C12orf42: variants seen among roughly 807,000 people sequenced by gnomAD.
The protein encoded by C12orf42 is chromosome 12 open reading frame 42.
C12orf42 carries 25 observed loss-of-function variants against 21.6 expected under a neutral mutation model. That is an observed-to-expected ratio of 1.16 (90% CI 0.84 to 1.62). The LOEUF is 1.62. C12orf42 is among the 40% of genes most tolerant of loss of function. The pLI, the probability that C12orf42 is intolerant of heterozygous loss-of-function variation, is 0.00. For synonymous variants in C12orf42, 174 were observed against 175.0 expected (o/e 0.99, Z 0.05); for missense variants, 483 against 459.3 (o/e 1.05, Z -0.47).
rs376816058 is a variant in C12orf42, at chr12:103,468,911, T to C, written c.78+9438A>G. 1.8e-4 allele frequency among the ~76,000 whole-genome samples: 27 copies of C among 152,340 alleles called. No individual in the cohort carries two copies. In the East Asian group the frequency reaches 5.0e-3, roughly 28 times the overall value. ...TTTCATGGTAATTTGTTAATGTTCT[T>C]GCAAAGCAGGGGTAATTTACTCCAG... On this transcript the variant is annotated intron_variant, in intron 2 of 5. Coordinates refer to ENST00000548883, the MANE Select transcript of C12orf42 (RefSeq NM_198521.5).
downstream of C12orf42, among the ~76,000 whole-genome samples, chr12:103,299,318 C>A (rs1309961558): frequency 6.6e-6 from 1 of 151,570 alleles, no homozygotes; most frequent in Non-Finnish European, 1.5e-5. Flanking sequence ...AGGACAGTCT[C>A]TAGTACAATA....
the C12orf42 span, among the ~76,000 whole-genome samples, chr12:103,138,594 G>T: frequency 6.6e-6 from 1 of 152,234 alleles, no homozygotes; most frequent in East Asian, 1.9e-4. Context: ...GTGTGAGAAT[G>T]CACTAATACA....
the C12orf42 span, among the ~76,000 whole-genome samples, chr12:103,232,278 T>A: frequency 1.3e-5 from 2 of 152,244 alleles, no homozygotes; most frequent in South Asian, 4.1e-4. Context: ...CTTTATAGTA[T>A]CTTTAGCACA....
At chr12:103,257,825 T>A (rs760980790) in intron 10 of C12orf42, among the ~76,000 whole-genome samples, 2 of 151,748 alleles carry the variant, frequency 1.3e-5, no homozygotes, top group Non-Finnish European at 2.9e-5. Context: ...TTCCTGATAT[T>A]TAAAAAAAGA....
the C12orf42 span, chr12:103,159,589 T>G: frequency 6.6e-6 from 1 of 152,372 alleles, no homozygotes; most frequent in South Asian, 2.1e-4. Context: ...AGAAGGTATC[T>G]GTCTCAACAG....
chr12:103,385,216 A>G (rs553911640), intron 3 of C12orf42, among the ~76,000 whole-genome samples: 46 of 152,356 alleles, frequency 3.0e-4, no homozygotes, highest in African/African-American at 1.1e-3. Context: ...CTATTGCTGA[A>G]AAAAGAAATA....
the C12orf42 span, among the ~76,000 whole-genome samples, chr12:103,523,529 A>T: frequency 6.6e-6 from 1 of 151,728 alleles, no homozygotes; most frequent in Non-Finnish European, 1.5e-5. Flanking sequence ...GCTTAATGAT[A>T]GCTTCTAAAC....
chr12:103,495,165 G>C (rs767393349), intron 1 of C12orf42, among the ~76,000 whole-genome samples: 3 of 151,520 alleles, frequency 2.0e-5, no homozygotes, highest in Non-Finnish European at 4.4e-5. Context: ...GGGGTAAGGA[G>C]CGCTGAAGGA....
chr12:103,399,514 GA>G (rs2047814651), intron 3 of C12orf42, among the ~76,000 whole-genome samples: 1 of 25,084 alleles, frequency 4.0e-5, no homozygotes, highest in Non-Finnish European at 1.5e-4. Context: ...AAAAAAAAAA[GA>G]AGAAGAAGAA....
Position 103,252,922 on chromosome 12 carries a change from T to A in C12orf42, c.*1366+10404A>T, listed in dbSNP as rs183351864. Among the ~76,000 whole-genome samples, 891 of 152,274 alleles carry A rather than the reference T, an allele frequency of 5.9e-3. 9 individuals carry two copies. Among genetic ancestry groups the A allele is most frequent in the African/African-American group, 0.021 (853 of 41,552 alleles). On this transcript the variant is annotated intron_variant and NMD_transcript_variant, in intron 10 of 10. Transcript: ENST00000547347. ...GTATTACCTAGGTTTTCTTCCAGGA[T>A]TTTTTTAATGTTTTAGGTCTTACGT...
At chr12:103,215,645 T>C in the C12orf42 span, among the ~76,000 whole-genome samples, 80,956 of 151,908 alleles carry the variant, frequency 0.53, 21,782 homozygotes, top group East Asian at 0.66. Context: ...GTATAAAGGC[T>C]GGGATTTCAG....
the C12orf42 span, among the ~76,000 whole-genome samples, chr12:103,149,984 A>G: frequency 6.6e-6 from 1 of 152,216 alleles, no homozygotes; most frequent in Non-Finnish European, 1.5e-5. Flanking sequence ...ATTATTTTTT[A>G]TAACATCCTT....
chr12:103,109,436 G>T, the C12orf42 span, among the ~76,000 whole-genome samples: 1 of 152,098 alleles, frequency 6.6e-6, no homozygotes, highest in Non-Finnish European at 1.5e-5. Context: ...ACTGGAGAGT[G>T]AGAGGCGGTG....
At chr12:103,153,653 C>CGCTGG in the C12orf42 span, among the ~76,000 whole-genome samples, 2 of 152,056 alleles carry the variant, frequency 1.3e-5, no homozygotes, top group Non-Finnish European at 2.9e-5. Flanking sequence ...ATAAAAAAGA[C>CGCTGG]AGACCAGTAT....
chr12:103,217,530 CAAA>C, the C12orf42 span, among the ~76,000 whole-genome samples: 28 of 77,966 alleles, frequency 3.6e-4, no homozygotes, highest in African/African-American at 5.1e-4. Context: ...GACCCTGTCT[CAAA>C]AAAAAAAAAA....
At chr12:103,198,015 G>C in the C12orf42 span, among the ~76,000 whole-genome samples, 1 of 152,196 alleles carries the variant, frequency 6.6e-6, no homozygotes, top group Non-Finnish European at 1.5e-5. Context: ...GTTTCACTGG[G>C]ACAGAGGCAG....
chr12:103,560,084 G>A, the C12orf42 span, among the ~76,000 whole-genome samples: 2 of 152,164 alleles, frequency 1.3e-5, no homozygotes, highest in Admixed American at 6.5e-5. Context: ...AGGCTAGACT[G>A]TAAATTTATG....
chr12:103,204,146 G>A, the C12orf42 span, among the ~76,000 whole-genome samples: 8 of 152,278 alleles, frequency 5.3e-5, 1 homozygote, highest in South Asian at 1.7e-3. Flanking sequence ...GAAATTCACA[G>A]TTTGAAATAC....
intron 10 of C12orf42, among the ~76,000 whole-genome samples, chr12:103,252,021 TA>T (rs1348103243): frequency 6.6e-6 from 1 of 152,218 alleles, no homozygotes; most frequent in Admixed American, 6.5e-5. Context: ...GTTACGTAGG[TA>T]TACATGTGCC....
Sources: gnomAD v4.1 joint callset for allele counts (sites outside exome capture counted in the v4.1 genomes callset) on GRCh38, gnomAD v4.1.1 for gene constraint, MANE v1.5 for transcripts, NCBI Gene and HGNC (gene_info 2026-07-23, HGNC 2026-07-21) for gene names.